Variants in LAMA2 observed in about 807,000 individuals in gnomAD.
LAMA2 encodes laminin subunit alpha 2, also known as laminin subunit alpha-2.
A neutral mutation model predicts 364.8 loss-of-function variants in LAMA2; 269 were observed. The ratio of observed to expected loss-of-function variants is 0.74; its 90% CI spans 0.67 to 0.82. The LOEUF is 0.82. LAMA2 is among the 40% of genes least tolerant of loss of function. LAMA2 has a pLI of 0.00. For missense variants in LAMA2, 3,807 were observed against 3,873.2 expected (o/e 0.98, Z 0.45); for synonymous variants, 1,379 against 1,370.6 (o/e 1.01, Z -0.14).
intron 4 of LAMA2, among the ~76,000 whole-genome samples, chr6:129,122,112 A>G (rs953123117): frequency 6.6e-6 from 1 of 152,230 alleles, no homozygotes; most frequent in African/African-American, 2.4e-5. Context: ...TACTGGTTGT[A>G]TATGTAGCTA....
chr6:129,215,043 C>T (rs1783339082), intron 12 of LAMA2, among the ~76,000 whole-genome samples: 2 of 152,000 alleles, frequency 1.3e-5, no homozygotes, highest in South Asian at 4.2e-4. Context: ...TATAAATGGT[C>T]TTGTGTTTTT....
chr6:129,183,870 A>C (rs1781075242), intron 10 of LAMA2, among the ~76,000 whole-genome samples: 1 of 151,904 alleles, frequency 6.6e-6, no homozygotes, highest in South Asian at 2.1e-4. Flanking sequence ...ACCATTGCAC[A>C]ATAAGAAGAT....
At chr6:129,347,738 G>A (rs1776631953) in intron 30 of LAMA2, among the ~76,000 whole-genome samples, 1 of 152,062 alleles carries the variant, frequency 6.6e-6, no homozygotes, top group Non-Finnish European at 1.5e-5. Context: ...AGGGAGTTGT[G>A]AACAGAAAGA....
chr6:129,237,879 C>T (rs1417334953), intron 12 of LAMA2, among the ~76,000 whole-genome samples: 1 of 151,634 alleles, frequency 6.6e-6, no homozygotes, highest in Non-Finnish European at 1.5e-5. Context: ...ACATTTTGGG[C>T]TGGGTGTGGT....
intron 61 of LAMA2, among the ~76,000 whole-genome samples, chr6:129,505,624 T>A (rs2114902610): frequency 6.6e-6 from 1 of 152,256 alleles, no homozygotes; most frequent in Admixed American, 6.5e-5. Context: ...TTCTCCTGCC[T>A]CAGCCTCCCT....
At chr6:129,208,687 AAGAAAAAG>A (rs1211528615) in intron 12 of LAMA2, among the ~76,000 whole-genome samples, 1 of 141,902 alleles carries the variant, frequency 7.0e-6, no homozygotes. Context: ...GAAGGAAAGA[AAGAAAAAG>A]GAAGGAAGGA....
intron 22 of LAMA2, 26 bp downstream of exon 22, chr6:129,300,898 A>G (rs1773510407): frequency 6.2e-7 from 1 of 1,613,216 alleles, no homozygotes; most frequent in East Asian, 2.2e-5. Context: ...TTTTGCTCTG[A>G]TAATTTTTTG....
chr6:129,045,293 T>C (rs1787398167), intron 1 of LAMA2, among the ~76,000 whole-genome samples: 1 of 152,220 alleles, frequency 6.6e-6, no homozygotes, highest in Non-Finnish European at 1.5e-5. Context: ...TTAGTGTCTT[T>C]AGTTTTATGG....
chr6:129,025,257 A>T lies in LAMA2; in HGVS notation c.113-24661A>T, dbSNP rs183186618. 1.4e-3 allele frequency among the ~76,000 whole-genome samples: 210 copies of T among 151,124 alleles called. 1 individual carries two copies. The highest frequency in any genetic ancestry group is 4.0e-3 in the Admixed American group (60 of 15,156). On this transcript the variant is annotated intron_variant, in intron 1 of 64. Transcript: ENST00000421865. ...CATCTTCCACTTCTAGTTACAAAAA[A>T]TTTTTTTTTTCTCACTTGAGTCGTT...
chr6:129,281,252 C>T (rs1788698370), intron 18 of LAMA2, among the ~76,000 whole-genome samples: 2 of 151,968 alleles, frequency 1.3e-5, no homozygotes, highest in Admixed American at 6.6e-5. Flanking sequence ...AAGGCATGTG[C>T]ATATTACTTA....
intron 9 of LAMA2, among the ~76,000 whole-genome samples, chr6:129,167,731 G>T (rs896860884): frequency 6.6e-6 from 1 of 152,066 alleles, no homozygotes; most frequent in Non-Finnish European, 1.5e-5. Flanking sequence ...CCTGAGGAAT[G>T]GCCACACTGA....
chr6:128,898,332 A>G (rs552217458), intron 1 of LAMA2, among the ~76,000 whole-genome samples: 5 of 152,166 alleles, frequency 3.3e-5, no homozygotes, highest in Non-Finnish European at 5.9e-5. Flanking sequence ...CACAGCGAAC[A>G]TTTGCCAGGA....
At chr6:129,080,811 A>C (rs1394089593) in intron 3 of LAMA2, among the ~76,000 whole-genome samples, 2 of 152,198 alleles carry the variant, frequency 1.3e-5, no homozygotes. Flanking sequence ...TAAACTAGTT[A>C]AACCATTGTG....
At chr6:128,938,969 C>G (rs1779998715) in intron 1 of LAMA2, among the ~76,000 whole-genome samples, 1 of 152,166 alleles carries the variant, frequency 6.6e-6, no homozygotes, top group Non-Finnish European at 1.5e-5. Context: ...ATACTTTCCA[C>G]TTAGACTTTC....
rs1786183816 is a variant in LAMA2 at position 129,507,448 on chromosome 6, GC to G, written c.8704-40del. The G allele has an allele frequency of 2.5e-6, 4 of 1,610,118 alleles. No homozygotes were observed. The Admixed American group carries it at 6.7e-5, about 27-fold the overall frequency. Reference sequence around the variant, plus strand: ...GTATTCTACATAAAGGCAAAGTTCTGCTAAAACCTGACATTTGTTTCTTCTG... The same window carrying G: ...GTATTCTACATAAAGGCAAAGTTCTGTAAAACCTGACATTTGTTTCTTCTG... On this transcript the variant is annotated intron_variant, in intron 61 of 64. Transcript: ENST00000421865.
chr6:129,456,395 GCCCAGCACA>G lies in LAMA2; in HGVS notation c.6770_6778del (p.Pro2257_Thr2259del). The G allele has an allele frequency of 6.2e-7, 1 of 1,613,482 alleles. No homozygotes were observed. The highest frequency in any genetic ancestry group is 8.5e-7 in the Non-Finnish European group (1 of 1,179,548). On this transcript the variant is annotated inframe_deletion, in exon 48 of 65. Coordinates refer to ENST00000421865, the MANE Select transcript of LAMA2 (RefSeq NM_000426.4). ...TGGATGGACCCAAAGCCAGCATTGT[GCCCAGCACA>G]CACCATTCGACGTCTCCTCCAGGGT... is the stretch of plus-strand genomic sequence containing the variant.
At chr6:128,921,498 A>C (rs965208444) in intron 1 of LAMA2, among the ~76,000 whole-genome samples, 21 of 152,148 alleles carry the variant, frequency 1.4e-4, no homozygotes, top group African/African-American at 4.6e-4. Context: ...CTGGTATCAT[A>C]GAAGAGGGGA....
chr6:129,036,294 T>C (rs988197272), intron 1 of LAMA2, among the ~76,000 whole-genome samples: 1 of 152,168 alleles, frequency 6.6e-6, no homozygotes. Flanking sequence ...ACAGCAAATT[T>C]ATGGTGTAAT....
chr6:129,041,940 A>G (rs1787126060), intron 1 of LAMA2, among the ~76,000 whole-genome samples: 1 of 151,642 alleles, frequency 6.6e-6, no homozygotes, highest in Middle Eastern at 3.4e-3. Context: ...TCAAGGTTAC[A>G]GTGAAGTATT....
Sources: gnomAD v4.1 joint callset for allele counts (sites outside exome capture counted in the v4.1 genomes callset) on GRCh38, gnomAD v4.1.1 for gene constraint, MANE v1.5 for transcripts, NCBI Gene and HGNC (gene_info 2026-07-23, HGNC 2026-07-21) for gene names.